Variants in MINDY4 observed in about 807,000 individuals in gnomAD.
MINDY4 encodes MINDY lysine 48 deubiquitinase 4.
In MINDY4, 68 loss-of-function variants were observed where a neutral mutation model predicts 87.0. The observed-to-expected ratio is 0.78, with a 90% CI of 0.64 to 0.96. The LOEUF (loss-of-function observed/expected upper bound fraction) is 0.96, where lower values mean the gene tolerates loss of function less well. Ranked by LOEUF, MINDY4 falls within the 40% of genes least tolerant of loss-of-function variation. The pLI, the probability that MINDY4 is intolerant of heterozygous loss-of-function variation, is 0.00. For synonymous variants in MINDY4, 379 were observed against 363.2 expected, an observed-to-expected ratio of 1.04 and a Z score of -0.50; for missense variants, 919 against 928.2, an observed-to-expected ratio of 0.99 and a Z score of 0.13.
At chr7:30,870,852 G>A (rs1447970985) in intron 13 of MINDY4, among the ~76,000 whole-genome samples, 7 of 152,216 alleles carry the variant, frequency 4.6e-5, no homozygotes, top group Admixed American at 4.6e-4. Context: ...CTCTCTCTTT[G>A]GGGTGTGGTT....
chr7:30,839,057 TAAAA>T, intron 7 of MINDY4, 139 bp from the exon 8 acceptor site: 2 of 549,004 alleles, frequency 3.6e-6, no homozygotes, highest in Admixed American at 3.4e-5. Flanking sequence ...GCCTGAAAAA[TAAAA>T]AGAGAAGAGA....
In MINDY4 at chr7:30,840,781, G is replaced by A. The variant is rs1448927005; in HGVS notation, c.1378G>A (p.Ala460Thr). The A allele has an allele frequency of 6.8e-6, 11 of 1,614,120 alleles. No homozygotes were observed. The East Asian group carries it at 8.9e-5, about 13-fold the overall frequency. The change falls in exon 9 of 18, where the codon GCA becomes ACA. Residue 460 changes from alanine (A) to threonine (T), a missense_variant. Physicochemically the swap from Ala to Thr is moderately conservative, Grantham distance 58 (BLOSUM62 0). Coordinates refer to ENST00000265299, the MANE Select transcript of MINDY4 (RefSeq NM_032222.3). ...QNKGGPCGVLAAVQGCVLQKL... is the reference protein window; with the variant it reads ...QNKGGPCGVLTAVQGCVLQKL... ...GCAGGGTGGTCCTTGCGGAGTCCTG[G>A]CAGCTGTCCAAGGCTGTGTCCTACA... is the stretch of plus-strand genomic sequence containing the variant.
chr7:30,772,094 G>A (rs919869839), intron 1 of MINDY4, among the ~76,000 whole-genome samples: 4 of 152,236 alleles, frequency 2.6e-5, no homozygotes, highest in Non-Finnish European at 4.4e-5. Flanking sequence ...TCCCAGGAGA[G>A]TTTTTGCAGT....
At chr7:30,848,022 C>T (rs964271362) in intron 9 of MINDY4, among the ~76,000 whole-genome samples, 3 of 152,260 alleles carry the variant, frequency 2.0e-5, no homozygotes, top group Non-Finnish European at 4.4e-5. Context: ...ACATGAACCA[C>T]TGCACCTGGC....
At chr7:30,824,534 A>G (rs1247391532) in intron 5 of MINDY4, among the ~76,000 whole-genome samples, 1 of 152,202 alleles carries the variant, frequency 6.6e-6, no homozygotes, top group Non-Finnish European at 1.5e-5. Flanking sequence ...AATTTAGCCA[A>G]GAATCTAGTA....
chr7:30,859,459 G>A (rs1432521337), intron 13 of MINDY4, 135 bp downstream of exon 13: 23 of 815,250 alleles, frequency 2.8e-5, no homozygotes, highest in Non-Finnish European at 4.0e-5. Context: ...GAATGAAGCA[G>A]TGGAGTAGGG....
chr7:30,849,258 T>A (rs1584311670), intron 9 of MINDY4, among the ~76,000 whole-genome samples: 1 of 152,262 alleles, frequency 6.6e-6, no homozygotes, highest in East Asian at 1.9e-4. Flanking sequence ...GCTCAGGAAT[T>A]ATTTGGTGAC....
chr7:30,881,189 A>G (rs1385811424), intron 15 of MINDY4, among the ~76,000 whole-genome samples: 1 of 152,166 alleles, frequency 6.6e-6, no homozygotes, highest in East Asian at 1.9e-4. Context: ...GGCGCTGGCC[A>G]AGAAGTGTCA....
chr7:30,874,497 T>G (rs555780565), intron 14 of MINDY4, among the ~76,000 whole-genome samples: 1 of 152,352 alleles, frequency 6.6e-6, no homozygotes, highest in Non-Finnish European at 1.5e-5. Context: ...CTTCCAGCCT[T>G]GTTGGTACAC....
chr7:30,854,529 A>ACCTTC (rs1562555083), intron 12 of MINDY4, among the ~76,000 whole-genome samples: 1 of 151,778 alleles, frequency 6.6e-6, no homozygotes, highest in Non-Finnish European at 1.5e-5. Flanking sequence ...AAGAACACAG[A>ACCTTC]CCTTTCTCTC....
intron 4 of MINDY4, among the ~76,000 whole-genome samples, chr7:30,788,506 C>T (rs1483464906): frequency 2.0e-5 from 3 of 152,018 alleles, no homozygotes; most frequent in South Asian, 2.1e-4. Context: ...TGATGTCACC[C>T]CCAGCTCATC....
chr7:30,877,627 C>G (rs1231926562), intron 15 of MINDY4, among the ~76,000 whole-genome samples: 1 of 151,780 alleles, frequency 6.6e-6, no homozygotes. Context: ...CCACTGAAGA[C>G]TCAGGGCCCA....
At chr7:30,878,008 A>G (rs1422248813) in intron 15 of MINDY4, among the ~76,000 whole-genome samples, 3 of 150,626 alleles carry the variant, frequency 2.0e-5, no homozygotes, top group African/African-American at 7.3e-5. Flanking sequence ...ACCACCTTCC[A>G]TCCCTTCTGT....
chr7:30,890,205 C>A (rs182637590), intron 17 of MINDY4, among the ~76,000 whole-genome samples: 1 of 152,148 alleles, frequency 6.6e-6, no homozygotes, highest in Non-Finnish European at 1.5e-5. Context: ...CCTTTTATGC[C>A]GAGTGTTTTA....
rs566263790 is a variant in MINDY4, at chr7:30,892,087, G to A, written c.*82G>A. The stretch of plus-strand genomic sequence containing the variant: ...GACAGCTGAACCCCAAGCCTCTGGG[G>A]CAGGTCTCATGTACCCCAACCTGGG... On this transcript the variant is annotated 3_prime_UTR_variant, in exon 18 of 18. Transcript: ENST00000265299. 6.6e-7 allele frequency: 1 copy of A among 1,518,966 alleles called. No homozygotes were observed. Among genetic ancestry groups the A allele is most frequent in the Admixed American group, 1.7e-5 (1 of 59,850 alleles). The allele number at this position is 1,518,966 out of a possible 1,614,324, so 94.1% of individuals were successfully genotyped here.
intron 5 of MINDY4, among the ~76,000 whole-genome samples, chr7:30,819,962 C>T (rs924115797): frequency 3.6e-4 from 44 of 123,724 alleles, no homozygotes; most frequent in Admixed American, 3.4e-3. Flanking sequence ...AGTGCAGTGG[C>T]GGGATCTCGG....
At position 30,794,504 on chromosome 7, in the gene MINDY4, C is replaced by T. The variant is rs114177808; in HGVS notation, c.1073+2930C>T. Among the ~76,000 whole-genome samples the T allele has an allele frequency of 6.6e-3, 1,002 of 152,168 alleles. 15 individuals carry two copies. The highest frequency in any genetic ancestry group is 0.023 in the African/African-American group (948 of 41,514). On this transcript the variant is annotated intron_variant, in intron 5 of 17. Transcript: ENST00000265299. ...TCCATGGAAGTCACACCTAGGGGCACAGGTGGGGTTAGGGGGCAGGTGGAG... is the reference window on the plus strand; with the variant it reads ...TCCATGGAAGTCACACCTAGGGGCATAGGTGGGGTTAGGGGGCAGGTGGAG...
Position 30,882,361 on chromosome 7 carries a change from G to A in MINDY4, c.2152G>A (p.Asp718Asn). ...NQQEQIRLTI[D>N]TTQTISEDTD... Reference sequence around the variant, plus strand: ...GCAGGAGCAGATCCGGCTGACCATTGGTGCGGGCCCTCACCCCCCCACCCA... The same window carrying A: ...GCAGGAGCAGATCCGGCTGACCATTAGTGCGGGCCCTCACCCCCCCACCCA... The change falls in exon 16 of 18, where the codon GAC becomes AAC. Residue 718 changes from aspartate to asparagine, a missense_variant and splice_region_variant. Coordinates refer to ENST00000265299, the MANE Select transcript of MINDY4 (RefSeq NM_032222.3). 4 of 1,571,426 alleles carry A rather than the reference G, an allele frequency of 2.5e-6. No individual in the cohort carries two copies. The highest frequency in any genetic ancestry group is 3.5e-6 in the Non-Finnish European group (4 of 1,153,534).
intron 6 of MINDY4, 65 bp from the exon 7 acceptor site, chr7:30,836,593 T>C (rs1788864751): frequency 1.5e-6 from 2 of 1,292,492 alleles, no homozygotes; most frequent in East Asian, 2.3e-5. Flanking sequence ...TGGTGTTCAG[T>C]GACTTCATGT....
Sources: gnomAD v4.1 joint callset for allele counts (sites outside exome capture counted in the v4.1 genomes callset) on GRCh38, gnomAD v4.1.1 for gene constraint, MANE v1.5 for transcripts, NCBI Gene and HGNC (gene_info 2026-07-23, HGNC 2026-07-21) for gene names.